The following KIF7 variants were observed in gnomAD, a reference collection of about 807,000 sequenced individuals.
KIF7 encodes the protein kinesin family member 7, also known as kinesin-like protein KIF7.
In KIF7, 104 loss-of-function variants were observed where a neutral mutation model predicts 135.7. The observed-to-expected ratio is 0.77, with a 90% CI of 0.65 to 0.90. The LOEUF is 0.90. Among genes scored for constraint, KIF7 ranks in the 40% least tolerant of loss-of-function variants. The pLI, the probability that KIF7 is intolerant of heterozygous loss-of-function variation, is 0.00. For synonymous variants in KIF7, 883 were observed against 809.4 expected (o/e 1.09, Z -1.54); for missense variants, 2,005 against 1,839.1 (o/e 1.09, Z -1.65).
At chr15:89,618,350 A>G (rs972816155) in intron 1 of KIF7, 8 of 764,144 alleles carry the variant, frequency 1.0e-5, no homozygotes, top group Middle Eastern at 2.4e-4. Flanking sequence ...AGCTCAGTAA[A>G]TATTTATAAG....
intron 2 of KIF7, among the ~76,000 whole-genome samples, chr15:89,650,931 T>C (rs1489489242): frequency 6.6e-6 from 1 of 151,198 alleles, no homozygotes; most frequent in Non-Finnish European, 1.5e-5. Context: ...ATGATACATT[T>C]GTTGTTGTTG....
At position 89,652,732 on chromosome 15, in the gene KIF7, G is replaced by T; in HGVS notation, c.199C>A (p.Gln67Lys). 1 of 1,551,744 alleles carries T rather than the reference G, an allele frequency of 6.4e-7. No individual in the cohort carries two copies. Residue 67 changes from glutamine to lysine, a missense_variant, in exon 2 of 19, where the codon CAG (glutamine) becomes AAG (lysine). By Grantham distance (53) the Gln-to-Lys change is moderately conservative. Coordinates refer to ENST00000394412, the MANE Select transcript of KIF7 (RefSeq NM_198525.3). ...FHVVLAEDAG[Q>K]EAVYQACVQP... is the part of the protein sequence containing the mutation. ...ACGCAGGCCTGGTACACGGCCTCCT[G>T]CCCCGCATCCTCGGCCAGCACCACG...
Position 89,649,894 on chromosome 15 carries a change from C to G in KIF7, c.376G>C (p.Glu126Gln). ...TTCTCATCGATGAGCTTGAAGGCCT[C>G]GGCCATGGCCCTCGGGACAATGCCC... ...EQGIVPRAMA[E>Q]AFKLIDENDL... The change falls in exon 3 of 19, where the codon GAG becomes CAG. Residue 126 changes from glutamate to glutamine, a missense_variant. Coordinates refer to ENST00000394412, the MANE Select transcript of KIF7 (RefSeq NM_198525.3). 2.6e-6 allele frequency: 4 copies of G among 1,551,712 alleles called. No homozygotes were observed. The highest frequency in any genetic ancestry group is 2.6e-6 in the Non-Finnish European group (3 of 1,146,994).
chr15:89,653,006 G>C (rs1230823452), intron 1 of KIF7, 52 bp from the exon 2 acceptor site: 1 of 1,360,600 alleles, frequency 7.3e-7, no homozygotes, highest in Non-Finnish European at 9.7e-7. Flanking sequence ...TCCAGGAGCT[G>C]GACTCACCCT....
intron 15 of KIF7, chr15:89,631,173 T>C: frequency 2.7e-6 from 1 of 363,854 alleles, no homozygotes; most frequent in South Asian, 4.0e-5. Flanking sequence ...GTGCACTGAG[T>C]ATGCGCCTGA....
intron 1 of KIF7, among the ~76,000 whole-genome samples, chr15:89,654,002 TTTTTG>T (rs1488469847): frequency 6.6e-6 from 1 of 151,894 alleles, no homozygotes; most frequent in African/African-American, 2.4e-5. Context: ...TTTGTTTTTG[TTTTTG>T]TTTTGTTTTG....
chr15:89,640,116 G>A (rs1423132049), intron 11 of KIF7, among the ~76,000 whole-genome samples: 2 of 151,618 alleles, frequency 1.3e-5, no homozygotes, highest in South Asian at 4.2e-4. Context: ...CACAGGAAGG[G>A]GAACATCACA....
At chr15:89,628,814 C>T (rs1596064131) in intron 18 of KIF7, 28 bp from the exon 19 acceptor site, 1 of 1,611,804 alleles carries the variant, frequency 6.2e-7, no homozygotes, top group East Asian at 2.2e-5. Flanking sequence ...GTGTCCTCAT[C>T]AGAAACAGGT....
Position 89,633,249 on chromosome 15 carries a change from A to G in KIF7, c.2610T>C (p.His870=), listed in dbSNP as rs771049459. The change falls in exon 13 of 19, where the codon CAT becomes CAC. Residue 870 remains histidine (H), a synonymous_variant. Transcript: ENST00000394412. ...TCTTCAGGATCTTCTGCTGTTGCTC[A>G]TGCTTCAGCTCCAGCTCCTGGGTGA... ...QHRVKELELK[H]EQQQKILKIK... 2.5e-6 allele frequency: 4 copies of G among 1,576,926 alleles called. No individual in the cohort carries two copies. The highest frequency in any genetic ancestry group is 3.4e-6 in the Non-Finnish European group (4 of 1,164,212).
intron 1 of KIF7, among the ~76,000 whole-genome samples, chr15:89,620,879 C>G (rs978062561): frequency 6.6e-6 from 1 of 151,924 alleles, no homozygotes; most frequent in Non-Finnish European, 1.5e-5. Context: ...CCCGCCACCA[C>G]GCCCAGCTAA....
chr15:89,646,288 T>A (rs1964012034), intron 7 of KIF7, among the ~76,000 whole-genome samples: 1 of 152,096 alleles, frequency 6.6e-6, no homozygotes, highest in Admixed American at 6.5e-5. Context: ...ACAGGTCATG[T>A]GCACCCAAGT....
Position 89,644,904 on chromosome 15 carries a change from C to CTA in KIF7, c.2191+108_2191+109insTA. On this transcript the variant is annotated intron_variant, in intron 10 of 18. Coordinates refer to ENST00000394412, the MANE Select transcript of KIF7 (RefSeq NM_198525.3). ...GGCTGAGTATCAAACCTAGGCCATC[C>CTA]GGCCCCTGCTCCTAACCACCTCATT... 4.2e-6 allele frequency: 6 copies of CTA among 1,444,162 alleles called. No homozygotes were observed. In the Middle Eastern group the frequency reaches 1.1e-3, roughly 254 times the overall value. The allele number at this position is 1,444,162 out of a possible 1,614,324, so 89.5% of individuals were successfully genotyped here.
chr15:89,624,564 A>G (rs374255181), downstream of KIF7: 50 of 1,613,456 alleles, frequency 3.1e-5, no homozygotes, highest in African/African-American at 6.0e-4. Flanking sequence ...CTGCCCCCAC[A>G]GACTCTAGAG....
chr15:89,634,489 G>C (rs987300417), intron 11 of KIF7, among the ~76,000 whole-genome samples: 3 of 152,228 alleles, frequency 2.0e-5, no homozygotes, highest in Non-Finnish European at 4.4e-5. Context: ...GCGAGCCGAA[G>C]CAGGGCGAGG....
chr15:89,629,824 C>T, intron 16 of KIF7: 1 of 583,798 alleles, frequency 1.7e-6, no homozygotes. Flanking sequence ...CACTATGGAG[C>T]TGGGCAGAGC....
In KIF7 at chr15:89,633,266, C is replaced by G; in HGVS notation, c.2593G>C (p.Glu865Gln). The G allele has an allele frequency of 6.4e-7, 1 of 1,564,988 alleles. No individual in the cohort carries two copies. The highest frequency in any genetic ancestry group is 8.6e-7 in the Non-Finnish European group (1 of 1,158,360). The change falls in exon 13 of 19, where the codon GAG becomes CAG. Residue 865 changes from glutamate (E) to glutamine (Q), a missense_variant and splice_region_variant. Glu to Gln is a conservative substitution (Grantham distance 29, BLOSUM62 2). Coordinates refer to ENST00000394412, the MANE Select transcript of KIF7 (RefSeq NM_198525.3). ...EMSKRQHRVKELELKHEQQQK... is the reference protein window; with the variant it reads ...EMSKRQHRVKQLELKHEQQQK... ...TGTTGCTCATGCTTCAGCTCCAGCT[C>G]CTGGGTGAGGAGCTCAGTGGGCAGG...
At chr15:89,658,432 A>G (rs1270613866), upstream of KIF7, among the ~76,000 whole-genome samples, 1 of 152,134 alleles carries the variant, frequency 6.6e-6, no homozygotes. Flanking sequence ...CCTGGATGAC[A>G]GAGACCCCAT....
At chr15:89,619,194 T>C (rs1963382739) in intron 1 of KIF7, among the ~76,000 whole-genome samples, 1 of 151,536 alleles carries the variant, frequency 6.6e-6, no homozygotes, top group African/African-American at 2.4e-5. Context: ...CTAACATAAA[T>C]ACTTGTTTTC....
intron 15 of KIF7, chr15:89,630,772 G>C (rs75833016): frequency 1.9e-6 from 1 of 528,684 alleles, no homozygotes; most frequent in Non-Finnish European, 3.4e-6. Context: ...CAAACAAAAG[G>C]CATGGTTGGG....
Sources: gnomAD v4.1 joint callset for allele counts (sites outside exome capture counted in the v4.1 genomes callset) on GRCh38, gnomAD v4.1.1 for gene constraint, MANE v1.5 for transcripts, NCBI Gene and HGNC (gene_info 2026-07-23, HGNC 2026-07-21) for gene names.